Variants in FOXO3 observed in about 807,000 individuals in gnomAD.
FOXO3 encodes forkhead box O3.
FOXO3 carries 4 observed loss-of-function variants against 41.9 expected under a neutral mutation model. The observed-to-expected ratio is 0.10, with a 90% CI of 0.05 to 0.22. The LOEUF is 0.22. FOXO3 is among the 10% of genes least tolerant of loss of function. The pLI, the probability that FOXO3 is intolerant of heterozygous loss-of-function variation, is 1.00. For synonymous variants in FOXO3, 318 were observed against 389.3 expected (o/e 0.82, Z 2.16); for missense variants, 534 against 906.8 (o/e 0.59, Z 5.28).
At chr6:108,565,554 C>T (rs911524527) in intron 1 of FOXO3, among the ~76,000 whole-genome samples, 1 of 152,154 alleles carries the variant, frequency 6.6e-6, no homozygotes, top group Non-Finnish European at 1.5e-5. Flanking sequence ...TCCCATGGGT[C>T]AGGGTGTAAT....
At chr6:108,666,826 ACC>A (rs1562265799) in intron 2 of FOXO3, among the ~76,000 whole-genome samples, 1 of 152,254 alleles carries the variant, frequency 6.6e-6, no homozygotes, top group South Asian at 2.1e-4. Context: ...GGGATCTTCT[ACC>A]AACAGGTTTG....
chr6:108,576,420 T>C (rs150834343), intron 1 of FOXO3, among the ~76,000 whole-genome samples: 13 of 152,324 alleles, frequency 8.5e-5, no homozygotes, highest in Non-Finnish European at 1.8e-4. Context: ...ATTCCAATAG[T>C]CTCATAAAAT....
At chr6:108,601,047 C>T (rs967425477) in intron 1 of FOXO3, among the ~76,000 whole-genome samples, 11 of 151,938 alleles carry the variant, frequency 7.2e-5, no homozygotes, top group Admixed American at 1.3e-4. Context: ...TTGCTCTGTC[C>T]GCCAGGCTGG....
chr6:108,620,713 G>A (rs1722746150), intron 1 of FOXO3, among the ~76,000 whole-genome samples: 1 of 152,194 alleles, frequency 6.6e-6, no homozygotes, highest in Non-Finnish European at 1.5e-5. Context: ...AGCTGCTGCT[G>A]TTGGCAGCTT....
intron 2 of FOXO3, among the ~76,000 whole-genome samples, chr6:108,675,179 A>C (rs1394342794): frequency 6.6e-6 from 1 of 152,152 alleles, no homozygotes; most frequent in African/African-American, 2.4e-5. Context: ...TTTAGCCATT[A>C]ATAATCGCTA....
At chr6:108,588,951 A>G (rs934475667) in intron 1 of FOXO3, among the ~76,000 whole-genome samples, 1 of 152,244 alleles carries the variant, frequency 6.6e-6, no homozygotes, top group Admixed American at 6.5e-5. Flanking sequence ...TAATGACCTT[A>G]GTTCTTCAGT....
chr6:108,656,580 T>TGCTTTTG (rs1778695349), intron 1 of FOXO3: 3 of 907,060 alleles, frequency 3.3e-6, no homozygotes, highest in Non-Finnish European at 4.0e-6. Context: ...GTGTGGGATC[T>TGCTTTTG]AACAGTTGTT....
At chr6:108,599,481 T>C (rs989164924) in intron 1 of FOXO3, among the ~76,000 whole-genome samples, 5 of 152,222 alleles carry the variant, frequency 3.3e-5, no homozygotes, top group African/African-American at 9.7e-5. Flanking sequence ...ATGCTTCTTA[T>C]AATGACCCCT....
chr6:108,668,920 A>G (rs1484137116), intron 2 of FOXO3, among the ~76,000 whole-genome samples: 2 of 152,012 alleles, frequency 1.3e-5, no homozygotes, highest in Non-Finnish European at 2.9e-5. Context: ...AGGTCAGGAG[A>G]TCGAGACGGT....
intron 1 of FOXO3, among the ~76,000 whole-genome samples, chr6:108,637,850 A>C (rs530271561): frequency 3.1e-4 from 47 of 152,236 alleles, no homozygotes; most frequent in Non-Finnish European, 5.9e-4. Context: ...ATATTTTAGA[A>C]GGTAGCCATT....
At position 108,560,989 on chromosome 6, in the gene FOXO3, G is replaced by T; in HGVS notation, c.-220G>T. 1 of 1,363,086 alleles carries T rather than the reference G, an allele frequency of 7.3e-7. No homozygotes were observed. The highest frequency in any genetic ancestry group is 9.3e-7 in the Non-Finnish European group (1 of 1,069,892). The allele number at this position is 1,363,086 out of a possible 1,614,324, so 84.4% of individuals were successfully genotyped here. A position where few individuals can be genotyped will look rare whatever the true frequency, so the allele number is the denominator to read the frequency against. ...TGTTCCTGGGAGGCGGGCGCGGCAG[G>T]ACTGGGAGGTGGCGGCAGCGGGCGA... On this transcript the variant is annotated 5_prime_UTR_variant, in exon 1 of 3. Coordinates refer to ENST00000406360, the MANE Select transcript of FOXO3 (RefSeq NM_001455.4).
At chr6:108,650,770 G>GA (rs1778526867) in intron 1 of FOXO3, among the ~76,000 whole-genome samples, 2 of 152,118 alleles carry the variant, frequency 1.3e-5, no homozygotes, top group African/African-American at 4.8e-5. Flanking sequence ...TGTTTTTTCA[G>GA]AAAAATGCAA....
chr6:108,634,692 G>T (rs1321154234), intron 1 of FOXO3, among the ~76,000 whole-genome samples: 4 of 152,052 alleles, frequency 2.6e-5, no homozygotes, highest in Non-Finnish European at 5.9e-5. Context: ...GAGTGGGTAG[G>T]GGATAGATGT....
intron 2 of FOXO3, among the ~76,000 whole-genome samples, chr6:108,672,576 C>T (rs1217951271): frequency 3.3e-5 from 5 of 152,090 alleles, no homozygotes; most frequent in African/African-American, 1.2e-4. Context: ...TTGCTAAAAT[C>T]CATGGCATTC....
intron 1 of FOXO3, among the ~76,000 whole-genome samples, chr6:108,578,342 A>G (rs1776318523): frequency 6.6e-6 from 1 of 152,214 alleles, no homozygotes; most frequent in Non-Finnish European, 1.5e-5. Flanking sequence ...TGGTGATAGG[A>G]GTAAAAAATC....
At chr6:108,651,919 C>T (rs1420234021) in intron 1 of FOXO3, among the ~76,000 whole-genome samples, 1 of 152,208 alleles carries the variant, frequency 6.6e-6, no homozygotes, top group African/African-American at 2.4e-5. Flanking sequence ...AGAGCAAGCT[C>T]ATCTTTTCTG....
At chr6:108,583,004 A>G (rs927508531) in intron 1 of FOXO3, among the ~76,000 whole-genome samples, 1 of 152,194 alleles carries the variant, frequency 6.6e-6, no homozygotes, top group African/African-American at 2.4e-5. Flanking sequence ...CTTGGATGTC[A>G]TCTGACTTAC....
chr6:108,566,712 T>C (rs896713985), intron 1 of FOXO3, among the ~76,000 whole-genome samples: 22 of 152,186 alleles, frequency 1.4e-4, no homozygotes, highest in African/African-American at 3.6e-4. Flanking sequence ...TTATTTTGCC[T>C]ATAGGGACAG....
chr6:108,570,388 TC>T (rs1370277019), intron 1 of FOXO3, among the ~76,000 whole-genome samples: 1 of 152,144 alleles, frequency 6.6e-6, no homozygotes, highest in African/African-American at 2.4e-5. Context: ...ATCATAGCTC[TC>T]CACAGCTTCA....
Sources: allele counts gnomAD v4.1 joint callset (sites outside exome capture counted in the v4.1 genomes callset), GRCh38; gene constraint gnomAD v4.1.1; transcripts MANE v1.5; gene names NCBI Gene and HGNC (gene_info 2026-07-23, HGNC 2026-07-21).